Variants in DRC7 observed in about 807,000 individuals in gnomAD.
DRC7 encodes the protein dynein regulatory complex subunit 7.
Under a neutral mutation model 104.4 loss-of-function variants are expected in DRC7, and 80 were observed. The ratio of observed to expected loss-of-function variants is 0.77; its 90% CI spans 0.64 to 0.92. The LOEUF (loss-of-function observed/expected upper bound fraction) is 0.92, where lower values mean the gene tolerates loss of function less well. Ranked by LOEUF, DRC7 falls within the 40% of genes least tolerant of loss-of-function variation. The probability of loss-of-function intolerance (pLI) is 0.00; values close to 1 mark genes in which losing one functional copy is unlikely to be tolerated. For missense variants in DRC7, 1,034 were observed against 1,141.1 expected (o/e 0.91, Z 1.35); for synonymous variants, 405 against 447.3 (o/e 0.91, Z 1.19).
At chr16:57,727,548 G>T in intron 16 of DRC7, 139 bp downstream of exon 16, 2 of 635,944 alleles carry the variant, frequency 3.1e-6, no homozygotes. Flanking sequence ...CATCCTTGCT[G>T]CTGAACTGAC....
At chr16:57,730,842 C>T in intron 17 of DRC7, 89 bp from the exon 18 acceptor site, 1 of 1,411,410 alleles carries the variant, frequency 7.1e-7, no homozygotes. Context: ...CGTCATGGTG[C>T]TGTCTAGTGA....
chr16:57,726,866 A>T lies in DRC7; in HGVS notation c.2009A>T (p.Tyr670Phe), dbSNP rs992055210. ...EPMEHTKKLL[Y>F]QYEAMMHLKR... ...ATGGAGCACACCAAGAAGCTGCTCT[A>T]CCAGTACGAGGCCATGATGCACCTG... The change falls in exon 15 of 19, where the codon TAC becomes TTC. Residue 670 changes from tyrosine to phenylalanine, a missense_variant. By Grantham distance (22) the Tyr-to-Phe change is conservative (BLOSUM62 3). Coordinates refer to ENST00000360716, the MANE Select transcript of DRC7 (RefSeq NM_001289162.2). 3.1e-6 allele frequency: 5 copies of T among 1,613,020 alleles called. No individual in the cohort carries two copies. The African/African-American group carries it at 6.7e-5, about 22-fold the overall frequency.
At chr16:57,709,013 C>T (rs2048763719) in intron 8 of DRC7, among the ~76,000 whole-genome samples, 1 of 151,742 alleles carries the variant, frequency 6.6e-6, no homozygotes, top group African/African-American at 2.4e-5. Context: ...CCTGTAATCC[C>T]AGCTACTTGG....
intron 8 of DRC7, among the ~76,000 whole-genome samples, chr16:57,717,204 C>A (rs2048851885): frequency 1.3e-5 from 2 of 148,664 alleles, no homozygotes; most frequent in African/African-American, 2.5e-5. Flanking sequence ...AGACACACTC[C>A]ATGGAGGAGA....
chr16:57,719,630 C>T (rs2048882722), intron 9 of DRC7, among the ~76,000 whole-genome samples: 1 of 152,174 alleles, frequency 6.6e-6, no homozygotes, highest in Non-Finnish European at 1.5e-5. Flanking sequence ...CCACTTTGGC[C>T]TCTGGAGTAG....
intron 17 of DRC7, among the ~76,000 whole-genome samples, chr16:57,729,316 G>T (rs2049017131): frequency 7.0e-6 from 1 of 142,306 alleles, no homozygotes. Flanking sequence ...GTGGATGGAT[G>T]GATGAGTGGG....
At chr16:57,726,546 C>T (rs1320801955) in intron 14 of DRC7, 2 of 561,662 alleles carry the variant, frequency 3.6e-6, no homozygotes, top group African/African-American at 1.9e-5. Context: ...AACCTCAGAT[C>T]CTAGGGAGGC....
chr16:57,700,293 A>T, intron 5 of DRC7, 23 bp downstream of exon 5: 1 of 1,604,772 alleles, frequency 6.2e-7, no homozygotes, highest in Non-Finnish European at 8.5e-7. Context: ...CACAGGCTGC[A>T]TGCCTGAGCC....
At chr16:57,714,896 G>C (rs1213870035) in intron 8 of DRC7, 1 of 330,318 alleles carries the variant, frequency 3.0e-6, no homozygotes, top group Non-Finnish European at 6.0e-6. Flanking sequence ...CGAGGAAATA[G>C]CTTGTTTTTC....
intron 2 of DRC7, among the ~76,000 whole-genome samples, chr16:57,696,859 G>A (rs976162526): frequency 6.6e-6 from 1 of 152,070 alleles, no homozygotes; most frequent in African/African-American, 2.4e-5. Flanking sequence ...CTCATTTTTG[G>A]GTGGGTTGTA....
chr16:57,717,082 G>C (rs934511552), intron 8 of DRC7, among the ~76,000 whole-genome samples: 9 of 151,278 alleles, frequency 5.9e-5, no homozygotes, highest in African/African-American at 2.2e-4. Context: ...CACTTGAACC[G>C]GGGAGATAGA....
At chr16:57,712,351 G>A (rs2048798351) in intron 8 of DRC7, among the ~76,000 whole-genome samples, 1 of 152,120 alleles carries the variant, frequency 6.6e-6, no homozygotes, top group African/African-American at 2.4e-5. Context: ...GTAACCTCTG[G>A]TTCACTTTGT....
At chr16:57,720,945 C>A (rs1463914893) in intron 9 of DRC7, among the ~76,000 whole-genome samples, 3 of 152,056 alleles carry the variant, frequency 2.0e-5, no homozygotes. Flanking sequence ...TGCCTGTAAT[C>A]CCAGCACTAT....
In DRC7 at chr16:57,730,945, G is replaced by T. The variant is rs369302605; in HGVS notation, c.2406G>T (p.Leu802=). 75 of 1,613,260 alleles carry T rather than the reference G, an allele frequency of 4.6e-5. No individual in the cohort carries two copies. The highest frequency in any genetic ancestry group is 5.9e-5 in the Non-Finnish European group (70 of 1,179,930). ...QARFEKETQE[L]QKKQQWYQEN... ...TATGACCACAGGAGACCCAGGAGCTGCAAAAGAAGCAGCAGTGGTACCAGG... is the reference window on the plus strand; with the variant it reads ...TATGACCACAGGAGACCCAGGAGCTTCAAAAGAAGCAGCAGTGGTACCAGG... The change falls in exon 18 of 19, where the codon CTG becomes CTT. Residue 802 remains leucine, a synonymous_variant. Coordinates refer to ENST00000360716, the MANE Select transcript of DRC7 (RefSeq NM_001289162.2).
At chr16:57,714,012 A>T (rs2048815822) in intron 8 of DRC7, 1 of 206,532 alleles carries the variant, frequency 4.8e-6, no homozygotes. Flanking sequence ...TCCATGGTCA[A>T]GTTTTGCAGT....
In DRC7 at chr16:57,710,829, G is replaced by A. The variant is rs552556838; in HGVS notation, c.1077+3151G>A. ...TGTTAGACTAACCATGGTTTTCCTG[G>A]GATAAACCTCATTTCATTGTGATGG... On this transcript the variant is annotated intron_variant, in intron 8 of 18. Coordinates refer to ENST00000360716, the MANE Select transcript of DRC7 (RefSeq NM_001289162.2). Among the ~76,000 whole-genome samples, 7 of 152,070 alleles carry A rather than the reference G, an allele frequency of 4.6e-5. No homozygotes were observed. The South Asian group carries it at 1.5e-3, about 32-fold the overall frequency.
chr16:57,728,359 T>G (rs376953293), intron 16 of DRC7, 31 bp from the exon 17 acceptor site: 46 of 1,543,410 alleles, frequency 3.0e-5, no homozygotes, highest in Non-Finnish European at 4.0e-5. Flanking sequence ...TAGTTCCTGC[T>G]GATCCAGCTA....
At chr16:57,702,646 A>G (rs2048672542) in intron 6 of DRC7, among the ~76,000 whole-genome samples, 1 of 152,054 alleles carries the variant, frequency 6.6e-6, no homozygotes, top group Non-Finnish European at 1.5e-5. Context: ...CAAAAATACA[A>G]AAAAATTAGC....
At position 57,714,971 on chromosome 16, in the gene DRC7, G is replaced by C. The variant is rs182091064; in HGVS notation, c.1078-3376G>C. 23 of 331,286 alleles carry C rather than the reference G, an allele frequency of 6.9e-5. 1 individual carries two copies. In the Admixed American group the frequency reaches 8.9e-4, roughly 13 times the overall value. 20.5% of individuals were successfully genotyped at this position (331,286 alleles called of 1,614,324 possible). A position where few individuals can be genotyped will look rare whatever the true frequency, so the allele number is the denominator to read the frequency against. On this transcript the variant is annotated intron_variant, in intron 8 of 18. Transcript: ENST00000360716. ...ATGCTAATTTGAAGATGTAGGGCAGGACAGTGACATTTCTATAGTCCCAGA... is the reference window on the plus strand; with the variant it reads ...ATGCTAATTTGAAGATGTAGGGCAGCACAGTGACATTTCTATAGTCCCAGA...
Sources: gnomAD v4.1 joint callset for allele counts (sites outside exome capture counted in the v4.1 genomes callset) on GRCh38, gnomAD v4.1.1 for gene constraint, MANE v1.5 for transcripts, NCBI Gene and HGNC (gene_info 2026-07-23, HGNC 2026-07-21) for gene names.